Variants in H4C15 observed in about 807,000 individuals in gnomAD.
H4C15 encodes the protein histone H4.
chr1:149,850,328 AAGC>A, downstream of H4C15: 1 of 1,206,848 alleles, frequency 8.3e-7, no homozygotes, highest in Non-Finnish European at 1.2e-6. Flanking sequence ...TTTGGAGACA[AAGC>A]AGCCGGCGAC....
At chr1:149,850,745 G>GC (rs1463058857), downstream of H4C15, 1 of 239,446 alleles carries the variant, frequency 4.2e-6, no homozygotes, top group Non-Finnish European at 7.3e-6. Context: ...CTTCTTGGGA[G>GC]CCGGCGCGAA....
chr1:149,848,998 A>T, the H4C15 span: 13 of 152,166 alleles, frequency 8.5e-5, no homozygotes, highest in Non-Finnish European at 1.6e-4. Context: ...AATAGCAAAG[A>T]GCTTCTCAAA....
chr1:149,846,074 A>AT, the H4C15 span: 52 of 152,250 alleles, frequency 3.4e-4, no homozygotes, highest in African/African-American at 1.2e-3. Flanking sequence ...TCTGATTCTT[A>AT]TTTTTTTGTA....
downstream of H4C15, among the ~76,000 whole-genome samples, chr1:149,849,690 G>A (rs759141222): frequency 6.6e-6 from 1 of 152,178 alleles, no homozygotes; most frequent in Non-Finnish European, 1.5e-5. Flanking sequence ...ACCATTTAAT[G>A]GTATTGGGTA....
downstream of H4C15, chr1:149,850,277 G>C: frequency 7.4e-7 from 1 of 1,349,824 alleles, no homozygotes; most frequent in South Asian, 1.2e-5. Context: ...ACACAAGAAA[G>C]ATTCTTTAAC....
chr1:149,849,878 G>A (rs1050493502), downstream of H4C15, among the ~76,000 whole-genome samples: 2 of 152,296 alleles, frequency 1.3e-5, no homozygotes, highest in South Asian at 4.1e-4. Context: ...TATAAAAGTT[G>A]AGCTATTCCC....
At chr1:149,850,214 G>A (rs1553757568), downstream of H4C15, 8 of 785,348 alleles carry the variant, frequency 1.0e-5, 1 homozygote, top group South Asian at 7.4e-5. Context: ...GGTGTTGTGT[G>A]CTCTCCTAAA....
the H4C15 span, chr1:149,845,039 T>C: frequency 1.3e-5 from 2 of 152,226 alleles, no homozygotes; most frequent in Admixed American, 1.3e-4. Flanking sequence ...CCTAATTATA[T>C]GTGGGGGAAG....
downstream of H4C15, chr1:149,850,190 A>G (rs2092168857): frequency 1.4e-6 from 1 of 694,562 alleles, no homozygotes; most frequent in Admixed American, 2.4e-5. Context: ...AAAAGAAAAT[A>G]GTTATCTGTG....
At chr1:149,850,738 C>T (rs1553757711), downstream of H4C15, 5 of 260,682 alleles carry the variant, frequency 1.9e-5, no homozygotes, top group Non-Finnish European at 3.3e-5. Context: ...TGGAGCCCTT[C>T]TTGGGAGCCG....
chr1:149,850,110 C>T (rs2092167860), downstream of H4C15: 1 of 487,930 alleles, frequency 2.0e-6, no homozygotes, highest in Admixed American at 3.3e-5. Context: ...AGGCAAGCCC[C>T]AACCTATCTA....
At chr1:149,849,680 A>G (rs890426654), downstream of H4C15, among the ~76,000 whole-genome samples, 1 of 152,220 alleles carries the variant, frequency 6.6e-6, no homozygotes, top group South Asian at 2.1e-4. Context: ...GGGGAAAAAA[A>G]CCATTTAATG....
the H4C15 span, chr1:149,844,880 C>T: frequency 2.6e-5 from 4 of 151,682 alleles, no homozygotes; most frequent in Admixed American, 6.6e-5. Flanking sequence ...CCTTATATGG[C>T]TCTACTGAGA....
chr1:149,846,599 C>G, the H4C15 span: 1 of 151,870 alleles, frequency 6.6e-6, no homozygotes, highest in African/African-American at 2.4e-5. Flanking sequence ...AGTCCCTTCA[C>G]CTGGATTCAC....
chr1:149,844,924 C>T, the H4C15 span: 1 of 152,042 alleles, frequency 6.6e-6, no homozygotes, highest in Non-Finnish European at 1.5e-5. Flanking sequence ...TAATTTAAAG[C>T]ATGGAGGTAG....
At chr1:149,858,765 T>C (rs2092193037), downstream of H4C15, among the ~76,000 whole-genome samples, 2 of 41,944 alleles carry the variant, frequency 4.8e-5, no homozygotes, top group Admixed American at 2.2e-4. Flanking sequence ...AGGGCTTTTT[T>C]AAAGCACCGA....
At chr1:149,848,279 C>CT in the H4C15 span, 27 of 152,218 alleles carry the variant, frequency 1.8e-4, no homozygotes, top group Middle Eastern at 6.8e-3. Flanking sequence ...AAGGTCTTTC[C>CT]TTTTATCTAG....
chr1:149,855,094 C>CG (rs1194517233), downstream of H4C15, among the ~76,000 whole-genome samples: 1 of 38,320 alleles, frequency 2.6e-5, no homozygotes, highest in African/African-American at 9.9e-5. Context: ...AAAAATTAGC[C>CG]GGGGGTGGTG....
At chr1:149,855,355 T>A (rs1156495607), downstream of H4C15, among the ~76,000 whole-genome samples, 2 of 138,436 alleles carry the variant, frequency 1.4e-5, no homozygotes, top group African/African-American at 5.3e-5. Context: ...TTGTTCACAT[T>A]TAATTCTGCC....
Sources: allele counts gnomAD v4.1 joint callset (sites outside exome capture counted in the v4.1 genomes callset), GRCh38; gene constraint gnomAD v4.1.1; transcripts MANE v1.5; gene names NCBI Gene and HGNC (gene_info 2026-07-23, HGNC 2026-07-21).